TESK2: variants seen among roughly 807,000 people sequenced by gnomAD.
The protein encoded by TESK2 is dual specificity testis-specific protein kinase 2.
A neutral mutation model predicts 57.1 loss-of-function variants in TESK2; 39 were observed. That is an observed-to-expected ratio of 0.68 (90% CI 0.53 to 0.89). The LOEUF (loss-of-function observed/expected upper bound fraction) is 0.89, where lower values mean the gene tolerates loss of function less well. Among genes scored for constraint, TESK2 ranks in the 40% least tolerant of loss-of-function variants. The pLI is 0.00. For synonymous variants in TESK2, 249 were observed against 267.9 expected (o/e 0.93, Z 0.69); for missense variants, 646 against 732.1 (o/e 0.88, Z 1.36).
At chr1:45,471,067 C>T (rs554963458) in intron 1 of TESK2, among the ~76,000 whole-genome samples, 1 of 152,144 alleles carries the variant, frequency 6.6e-6, no homozygotes, top group South Asian at 2.1e-4. Context: ...CCCATCTCTA[C>T]TAAAAATACA....
rs1553155970 is a variant in TESK2 at position 45,453,362 on chromosome 1, A to AGAGAGAG, written c.222+4201_222+4202insCTCTCTC. 2.8e-4 allele frequency among the ~76,000 whole-genome samples: 40 copies of AGAGAGAG among 145,014 alleles called. No individual in the cohort carries two copies. The East Asian group carries it at 6.3e-3, about 23-fold the overall frequency. ...GTCTCAAAAAAAAAAAAAAAAAAAA[A>AGAGAGAG]AGAGAGAGAGAGAGATAAACCCTCT... On this transcript the variant is annotated intron_variant, in intron 2 of 10. Transcript: ENST00000372086.
In TESK2 at chr1:45,345,198, C is replaced by G. The variant is rs753719830; in HGVS notation, c.1358G>C (p.Arg453Pro). The G allele has an allele frequency of 6.2e-7, 1 of 1,614,158 alleles. No homozygotes were observed. Residue 453 changes from arginine (R) to proline (P), a missense_variant, in exon 11 of 11, where the codon CGG becomes CCG. Physicochemically the swap from Arg to Pro is moderately radical, Grantham distance 103. Transcript: ENST00000372086. ...AGGCGAACCAGGCAAGGAACGCCAC[C>G]GGCGAATAGGTGGGGCCAGGGGCTC... ...WQEPLAPPIR[R>P]WRSLPGSPEF...
chr1:45,387,692 A>G (rs1648959554), intron 3 of TESK2, among the ~76,000 whole-genome samples: 1 of 152,236 alleles, frequency 6.6e-6, no homozygotes, highest in Admixed American at 6.5e-5. Context: ...CTGGTTGGCT[A>G]TAATATCACA....
intron 1 of TESK2, among the ~76,000 whole-genome samples, chr1:45,464,232 C>G (rs1264313717): frequency 1.3e-5 from 2 of 151,860 alleles, no homozygotes; most frequent in Non-Finnish European, 2.9e-5. Flanking sequence ...TAGTTTATAG[C>G]CTGGCCAACA....
intron 4 of TESK2, among the ~76,000 whole-genome samples, chr1:45,369,799 C>T (rs1399715662): frequency 6.6e-6 from 1 of 151,752 alleles, no homozygotes; most frequent in Non-Finnish European, 1.5e-5. Flanking sequence ...GCAACCTCCA[C>T]CTCCTGGGTT....
intron 4 of TESK2, among the ~76,000 whole-genome samples, chr1:45,357,777 A>G (rs1361699335): frequency 6.8e-6 from 1 of 147,248 alleles, no homozygotes; most frequent in East Asian, 2.1e-4. Context: ...AGGCCAAGGC[A>G]GGTGGATTAC....
At chr1:45,420,156 GC>G (rs1650411733) in intron 3 of TESK2, among the ~76,000 whole-genome samples, 1 of 152,104 alleles carries the variant, frequency 6.6e-6, no homozygotes, top group Admixed American at 6.5e-5. Context: ...AAATATACTG[GC>G]CAGGTGTGGT....
chr1:45,367,179 T>C lies in TESK2; in HGVS notation c.394-11730A>G, dbSNP rs1647956074. Among the ~76,000 whole-genome samples the C allele has an allele frequency of 2.0e-5, 3 of 152,096 alleles. No homozygotes were observed. The South Asian group carries it at 6.2e-4, about 31-fold the overall frequency. ...TAAAATAAAATAAAATGTTTAATAA[T>C]GCCTACTCAGACAAAGAAAGGCTCA... On this transcript the variant is annotated intron_variant, in intron 4 of 10. Coordinates refer to ENST00000372086, the MANE Select transcript of TESK2 (RefSeq NM_007170.3).
chr1:45,433,243 T>A (rs1158075942), intron 2 of TESK2, among the ~76,000 whole-genome samples: 3 of 151,318 alleles, frequency 2.0e-5, no homozygotes, highest in Admixed American at 6.6e-5. Context: ...GCCCAGCTAA[T>A]TTTTTTTGTA....
intron 1 of TESK2, among the ~76,000 whole-genome samples, chr1:45,483,977 C>T (rs762611949): frequency 6.7e-5 from 10 of 149,460 alleles, no homozygotes; most frequent in South Asian, 4.3e-4. Context: ...CTCCAACCTG[C>T]GCAACAGCAA....
At chr1:45,354,618 AAAAAC>A (rs1341417880) in intron 5 of TESK2, among the ~76,000 whole-genome samples, 1 of 150,538 alleles carries the variant, frequency 6.6e-6, no homozygotes, top group Non-Finnish European at 1.5e-5. Context: ...AAGAGTGGAA[AAAAAC>A]AAAACAAGAC....
chr1:45,345,316 T>TG lies in TESK2; in HGVS notation c.1239dup (p.Lys414GlnfsTer4). On this transcript the variant is annotated frameshift_variant, in exon 11 of 11. Transcript: ENST00000372086. LOFTEE classifies it high-confidence loss of function. The stretch of plus-strand genomic sequence containing the variant: ...GACTTGCTGGGCAGGTCAAAAAACT[T>TG]GATCTTGCCCCCCATGAGGTCCTGG... 1 of 1,614,052 alleles carries TG rather than the reference T, an allele frequency of 6.2e-7. No individual in the cohort carries two copies. Among genetic ancestry groups the TG allele is most frequent in the Non-Finnish European group, 8.5e-7 (1 of 1,180,006 alleles).
At chr1:45,353,166 G>C (rs1647282071) in intron 5 of TESK2, among the ~76,000 whole-genome samples, 2 of 152,198 alleles carry the variant, frequency 1.3e-5, no homozygotes, top group African/African-American at 2.4e-5. Flanking sequence ...CCAAAGTGCT[G>C]GGATTACAGG....
intron 3 of TESK2, among the ~76,000 whole-genome samples, chr1:45,394,440 A>G (rs1288545594): frequency 6.7e-6 from 1 of 149,472 alleles, no homozygotes; most frequent in Non-Finnish European, 1.5e-5. Flanking sequence ...AAGCCACCAC[A>G]CTAGGCCAAG....
intron 4 of TESK2, among the ~76,000 whole-genome samples, chr1:45,384,373 A>ATCTATCTGTCTG (rs1553147462): frequency 3.7e-5 from 5 of 135,136 alleles, no homozygotes; most frequent in East Asian, 2.1e-4. Context: ...GTATCTATCT[A>ATCTATCTGTCTG]TCTATCTATC....
chr1:45,475,466 G>A (rs369231035), intron 1 of TESK2, among the ~76,000 whole-genome samples: 47 of 151,980 alleles, frequency 3.1e-4, no homozygotes, highest in African/African-American at 1.1e-3. Flanking sequence ...CTCAGCCTCC[G>A]AAAGTGCTGG....
At chr1:45,478,651 G>A (rs543744459) in intron 1 of TESK2, among the ~76,000 whole-genome samples, 4 of 151,868 alleles carry the variant, frequency 2.6e-5, no homozygotes, top group African/African-American at 7.3e-5. Flanking sequence ...AGATGGTGAC[G>A]ACAATATAGA....
At chr1:45,363,465 A>G (rs948182128) in intron 4 of TESK2, among the ~76,000 whole-genome samples, 3 of 152,146 alleles carry the variant, frequency 2.0e-5, no homozygotes, top group African/African-American at 7.2e-5. Context: ...AAAACCCACA[A>G]TCCTTAGAAA....
At chr1:45,397,282 C>T (rs1649408911) in intron 3 of TESK2, among the ~76,000 whole-genome samples, 1 of 152,128 alleles carries the variant, frequency 6.6e-6, no homozygotes, top group African/African-American at 2.4e-5. Context: ...AAGTAACTTG[C>T]CCCAAATCAT....
Sources: allele counts gnomAD v4.1 joint callset (sites outside exome capture counted in the v4.1 genomes callset), GRCh38; gene constraint gnomAD v4.1.1; transcripts MANE v1.5; gene names NCBI Gene and HGNC (gene_info 2026-07-23, HGNC 2026-07-21).